The following RALYL variants were observed in gnomAD, a reference collection of about 807,000 sequenced individuals.
RALYL encodes the protein RNA-binding Raly-like protein.
Under a neutral mutation model 35.1 loss-of-function variants are expected in RALYL, and 29 were observed. The ratio of observed to expected loss-of-function variants is 0.83; its 90% CI spans 0.61 to 1.13. The LOEUF (loss-of-function observed/expected upper bound fraction) is 1.13. RALYL is among the 50% of genes most tolerant of loss of function. The probability of loss-of-function intolerance (pLI) is 0.00; values close to 1 mark genes in which losing one functional copy is unlikely to be tolerated. For synonymous variants in RALYL, 120 were observed against 127.6 expected, an observed-to-expected ratio of 0.94 and a Z score of 0.40; for missense variants, 359 against 360.4, an observed-to-expected ratio of 1.00 and a Z score of 0.03.
At chr8:84,261,793 CTTTA>C (rs1396016028) in intron 1 of RALYL, among the ~76,000 whole-genome samples, 3 of 151,968 alleles carry the variant, frequency 2.0e-5, no homozygotes, top group Non-Finnish European at 4.4e-5. Context: ...TGTTTTATTA[CTTTA>C]TTTGTGATAT....
intron 1 of RALYL, among the ~76,000 whole-genome samples, chr8:84,375,607 G>A (rs1467145072): frequency 4.0e-5 from 6 of 151,754 alleles, no homozygotes; most frequent in African/African-American, 9.7e-5. Context: ...TGTAAGAATT[G>A]AACACATGAA....
At chr8:84,808,185 C>G (rs112384219) in intron 4 of RALYL, among the ~76,000 whole-genome samples, 1 of 152,054 alleles carries the variant, frequency 6.6e-6, no homozygotes, top group African/African-American at 2.4e-5. Context: ...ATGTATAAGA[C>G]GAGAGATGAG....
At chr8:84,394,825 C>G (rs1861441611) in intron 1 of RALYL, among the ~76,000 whole-genome samples, 1 of 151,832 alleles carries the variant, frequency 6.6e-6, no homozygotes, top group Admixed American at 6.6e-5. Flanking sequence ...TTCCCAAGTT[C>G]ACAATTCTTA....
At chr8:84,661,382 A>G (rs17794266) in intron 2 of RALYL, among the ~76,000 whole-genome samples, 29,818 of 152,014 alleles carry the variant, frequency 0.2, 3,166 homozygotes, top group Non-Finnish European at 0.23. Context: ...ATTTTGCTGT[A>G]TAAATTTTCA....
At chr8:84,248,438 G>A (rs1385008808) in intron 1 of RALYL, among the ~76,000 whole-genome samples, 1 of 152,098 alleles carries the variant, frequency 6.6e-6, no homozygotes, top group Non-Finnish European at 1.5e-5. Flanking sequence ...ACACCTAAGA[G>A]CTCTTTGTGG....
At chr8:84,689,896 G>A (rs552914972) in intron 2 of RALYL, among the ~76,000 whole-genome samples, 1 of 152,180 alleles carries the variant, frequency 6.6e-6, no homozygotes, top group African/African-American at 2.4e-5. Flanking sequence ...GATAGCAAGT[G>A]TCATCAAGTG....
intron 1 of RALYL, among the ~76,000 whole-genome samples, chr8:84,358,501 A>T (rs1437058145): frequency 6.6e-6 from 1 of 152,030 alleles, no homozygotes; most frequent in African/African-American, 2.4e-5. Flanking sequence ...GGGAATATAA[A>T]GTAAGATTGA....
chr8:84,250,606 T>C (rs1040696537), intron 1 of RALYL, among the ~76,000 whole-genome samples: 1 of 152,134 alleles, frequency 6.6e-6, no homozygotes, highest in Non-Finnish European at 1.5e-5. Context: ...GATAGAAGTA[T>C]AGAATTATGT....
intron 2 of RALYL, among the ~76,000 whole-genome samples, chr8:84,731,199 T>C (rs1846113917): frequency 6.6e-6 from 1 of 152,140 alleles, no homozygotes; most frequent in South Asian, 2.1e-4. Context: ...AAAGCCTCCC[T>C]TGCCCGTGGA....
chr8:84,889,880 C>A (rs1376006652), intron 8 of RALYL, among the ~76,000 whole-genome samples: 2 of 152,154 alleles, frequency 1.3e-5, no homozygotes, highest in African/African-American at 4.8e-5. Flanking sequence ...TTCCAACTCA[C>A]ACCCCCAAAG....
At chr8:84,693,675 C>T (rs1300426654) in intron 2 of RALYL, among the ~76,000 whole-genome samples, 3 of 151,860 alleles carry the variant, frequency 2.0e-5, no homozygotes, top group South Asian at 2.1e-4. Flanking sequence ...AGAAAAATTA[C>T]AGGCTGATAT....
At chr8:84,227,340 GA>G in intron 1 of RALYL, among the ~76,000 whole-genome samples, 1 of 148,708 alleles carries the variant, frequency 6.7e-6, no homozygotes, top group Non-Finnish European at 1.5e-5. Context: ...TTATAGGCGT[GA>G]GCCACCACGT....
At chr8:84,373,583 G>A (rs1418435037) in intron 1 of RALYL, among the ~76,000 whole-genome samples, 1 of 151,954 alleles carries the variant, frequency 6.6e-6, no homozygotes, top group East Asian at 1.9e-4. Context: ...CAATGTGTCT[G>A]TTTTTGTACA....
At chr8:84,582,865 A>G (rs893188982) in intron 2 of RALYL, among the ~76,000 whole-genome samples, 1 of 147,320 alleles carries the variant, frequency 6.8e-6, no homozygotes, top group Non-Finnish European at 1.5e-5. Context: ...CTATAGATTT[A>G]TGTCTCATCA....
At chr8:84,865,826 A>T (rs1839079093) in intron 6 of RALYL, among the ~76,000 whole-genome samples, 1 of 152,222 alleles carries the variant, frequency 6.6e-6, no homozygotes, top group African/African-American at 2.4e-5. Context: ...CTGTCAATGC[A>T]CTTTCAGTGA....
At chr8:84,275,458 C>A (rs533183424) in intron 1 of RALYL, among the ~76,000 whole-genome samples, 57 of 151,122 alleles carry the variant, frequency 3.8e-4, no homozygotes, top group Admixed American at 3.7e-3. Context: ...GTATTATGTA[C>A]AGCATGATGT....
intron 4 of RALYL, among the ~76,000 whole-genome samples, chr8:84,812,957 C>A (rs1272238871): frequency 6.6e-6 from 1 of 152,186 alleles, no homozygotes; most frequent in Non-Finnish European, 1.5e-5. Flanking sequence ...CAAGTTGTTA[C>A]AAAATTCAGC....
In RALYL at chr8:84,532,720, A is replaced by T. The variant is rs554075505; in HGVS notation, c.256+3143A>T. ...TGTACATCATTTTCTGAAAAGGAAC[A>T]ATCTTTTATTTACTGCATGTTTAAA... On this transcript the variant is annotated intron_variant, in intron 2 of 8. Coordinates refer to ENST00000521268, the MANE Select transcript of RALYL (RefSeq NM_173848.7). Among the ~76,000 whole-genome samples, 4 of 152,164 alleles carry T rather than the reference A, an allele frequency of 2.6e-5. No homozygotes were observed. In the South Asian group the frequency reaches 8.3e-4, roughly 32 times the overall value.
chr8:84,596,686 G>A (rs147335157), intron 2 of RALYL, among the ~76,000 whole-genome samples: 13 of 152,176 alleles, frequency 8.5e-5, no homozygotes, highest in South Asian at 4.1e-4. Flanking sequence ...GTCTTCAAGC[G>A]CCTGTTAGAC....
Sources: gnomAD v4.1 joint callset for allele counts (sites outside exome capture counted in the v4.1 genomes callset) on GRCh38, gnomAD v4.1.1 for gene constraint, MANE v1.5 for transcripts, NCBI Gene and HGNC (gene_info 2026-07-23, HGNC 2026-07-21) for gene names.